AMOTL1: variants seen among roughly 807,000 people sequenced by gnomAD.
AMOTL1 encodes the protein angiomotin-like protein 1.
A neutral mutation model predicts 102.9 loss-of-function variants in AMOTL1; 45 were observed. The ratio of observed to expected loss-of-function variants is 0.44; its 90% confidence interval spans 0.34 to 0.56. AMOTL1 has a LOEUF of 0.56. Ranked by LOEUF, AMOTL1 falls within the 20% of genes least tolerant of loss-of-function variation. The probability of loss-of-function intolerance (pLI) is 0.01; values close to 1 mark genes in which losing one functional copy is unlikely to be tolerated. For missense variants in AMOTL1, 1,114 were observed against 1,225.6 expected (o/e 0.91, Z 1.36); for synonymous variants, 481 against 484.7 (o/e 0.99, Z 0.10).
intron 9 of AMOTL1, among the ~76,000 whole-genome samples, chr11:94,862,670 T>G (rs1565386494): frequency 6.6e-6 from 1 of 152,222 alleles, no homozygotes; most frequent in Non-Finnish European, 1.5e-5. Context: ...TTCCTCTAAT[T>G]GTGTTTGCTC....
At chr11:94,785,132 C>G (rs907343072) in intron 1 of AMOTL1, among the ~76,000 whole-genome samples, 2 of 152,156 alleles carry the variant, frequency 1.3e-5, no homozygotes, top group African/African-American at 4.8e-5. Context: ...GGTTCTGGAT[C>G]CTTCTCTGCC....
intron 1 of AMOTL1, among the ~76,000 whole-genome samples, chr11:94,788,756 T>C (rs1411196551): frequency 3.9e-5 from 6 of 152,246 alleles, no homozygotes; most frequent in African/African-American, 1.4e-4. Flanking sequence ...GACTCAATTG[T>C]TACTTTAAAG....
At chr11:94,764,056 T>C (rs1950826538), upstream of AMOTL1, among the ~76,000 whole-genome samples, 1 of 152,236 alleles carries the variant, frequency 6.6e-6, no homozygotes, top group East Asian at 1.9e-4. Flanking sequence ...TTTCCTTCCT[T>C]GTGTCCATGC....
chr11:94,870,864 AC>A lies in AMOTL1; in HGVS notation c.*71del. ...GGAAAGCGGCAGAGAAAGAAGAAAG[AC>A]CTAGAAGGTTGTAGATGGGAAATCA... On this transcript the variant is annotated 3_prime_UTR_variant, in exon 13 of 13. Transcript: ENST00000433060. 1 of 1,325,014 alleles carries A rather than the reference AC, an allele frequency of 7.5e-7. No homozygotes were observed. Among genetic ancestry groups the A allele is most frequent in the Non-Finnish European group, 1.0e-6 (1 of 965,182 alleles). The allele number at this position is 1,325,014 out of a possible 1,614,324, so 82.1% of individuals were successfully genotyped here.
intron 3 of AMOTL1, among the ~76,000 whole-genome samples, chr11:94,817,828 G>A (rs547664544): frequency 9.2e-5 from 14 of 152,294 alleles, no homozygotes; most frequent in African/African-American, 2.2e-4. Context: ...CATAAACATC[G>A]AGCAGAACAT....
intron 3 of AMOTL1, among the ~76,000 whole-genome samples, chr11:94,802,447 A>G (rs183579354): frequency 6.6e-5 from 10 of 152,328 alleles, no homozygotes; most frequent in Admixed American, 2.0e-4. Flanking sequence ...TAATATGTAC[A>G]TACCGTGCAA....
intron 1 of AMOTL1, among the ~76,000 whole-genome samples, chr11:94,793,068 A>G (rs145406610): frequency 1.2e-4 from 19 of 152,258 alleles, no homozygotes; most frequent in African/African-American, 4.1e-4. Context: ...ACATATTCAT[A>G]TATATATACA....
intron 3 of AMOTL1, among the ~76,000 whole-genome samples, chr11:94,755,685 G>A (rs1046437451): frequency 6.6e-6 from 1 of 151,958 alleles, no homozygotes; most frequent in African/African-American, 2.4e-5. Flanking sequence ...TCAGTGCCTC[G>A]CTGCTCAAAC....
At chr11:94,846,488 TCA>T (rs1952414043) in intron 6 of AMOTL1, among the ~76,000 whole-genome samples, 1 of 152,354 alleles carries the variant, frequency 6.6e-6, no homozygotes, top group Admixed American at 6.5e-5. Flanking sequence ...ACTACCTCAG[TCA>T]CAGAACCATA....
At chr11:94,861,595 G>T (rs1952775163) in intron 9 of AMOTL1, among the ~76,000 whole-genome samples, 1 of 152,192 alleles carries the variant, frequency 6.6e-6, no homozygotes, top group Non-Finnish European at 1.5e-5. Context: ...GTGCGTGTGT[G>T]ATCTGGGACA....
Position 94,799,784 on chromosome 11 carries a change from G to A in AMOTL1, c.594G>A (p.Ser198=), listed in dbSNP as rs371902406. ...LPTYEEAKAQ[S]QFFRGQQQQQ... ...CTTACGAGGAGGCCAAAGCACAGTC[G>A]CAGTTCTTCAGGGGGCAGCAGCAGC... is the stretch of plus-strand genomic sequence containing the variant. The change falls in exon 3 of 13, where the codon TCG becomes TCA. Residue 198 remains serine (S), a synonymous_variant. Coordinates refer to ENST00000433060, the MANE Select transcript of AMOTL1 (RefSeq NM_130847.3). This position sits in a 1 kb window ranked among gnomAD's most constrained non-coding sequence, Gnocchi z 4.5. The A allele has an allele frequency of 3.7e-6, 6 of 1,604,094 alleles. No homozygotes were observed. The highest frequency in any genetic ancestry group is 2.2e-5 in the East Asian group (1 of 44,556).
At chr11:94,861,398 G>A (rs1952772145) in intron 9 of AMOTL1, among the ~76,000 whole-genome samples, 1 of 152,152 alleles carries the variant, frequency 6.6e-6, no homozygotes, top group Admixed American at 6.5e-5. Context: ...AAGAGAACAG[G>A]TCATCATAAA....
At position 94,865,964 on chromosome 11, in the gene AMOTL1, A is replaced by T. The variant is rs1952874041; in HGVS notation, c.2284A>T (p.Ile762Phe). 1.2e-6 allele frequency: 2 copies of T among 1,613,722 alleles called. No homozygotes were observed. Among genetic ancestry groups the T allele is most frequent in the South Asian group, 2.2e-5 (2 of 91,034 alleles). ...CAGTATTAAAAATCTCCATGCCAAA[A>T]TCATAGAGAAAGATGCTATGATTAA... is the stretch of plus-strand genomic sequence containing the variant. ...EYTIKNLHAK[I>F]IEKDAMIKVL... is the part of the protein sequence containing the mutation. The change falls in exon 11 of 13, where the codon ATC (isoleucine) becomes TTC (phenylalanine). Residue 762 changes from isoleucine (I) to phenylalanine (F), a missense_variant. Coordinates refer to ENST00000433060, the MANE Select transcript of AMOTL1 (RefSeq NM_130847.3).
chr11:94,869,057 A>T, intron 11 of AMOTL1, 141 bp from the exon 12 acceptor site: 1 of 981,194 alleles, frequency 1.0e-6, no homozygotes, highest in Non-Finnish European at 1.4e-6. Flanking sequence ...GCCTTGTAAT[A>T]AGTGTTTATT....
At chr11:94,784,704 C>T (rs922160673) in intron 1 of AMOTL1, among the ~76,000 whole-genome samples, 8 of 152,140 alleles carry the variant, frequency 5.3e-5, no homozygotes, top group Non-Finnish European at 7.3e-5. Context: ...TTTACCACAA[C>T]TTTTCAGGAG....
intron 9 of AMOTL1, 43 bp from the exon 10 acceptor site, chr11:94,864,692 A>C (rs1952842338): frequency 6.3e-7 from 1 of 1,596,424 alleles, no homozygotes. Context: ...GAGACAAAGC[A>C]AGAAGGTTTC....
chr11:94,728,275 G>T (rs1950291445), intron 1 of AMOTL1, among the ~76,000 whole-genome samples: 1 of 152,104 alleles, frequency 6.6e-6, no homozygotes, highest in South Asian at 2.1e-4. Context: ...CCTTCTCAGT[G>T]GTGGCCAATG....
chr11:94,802,105 G>A (rs1951489426), intron 3 of AMOTL1, among the ~76,000 whole-genome samples: 1 of 152,170 alleles, frequency 6.6e-6, no homozygotes, highest in Non-Finnish European at 1.5e-5. Flanking sequence ...CTCAGAAGCA[G>A]CATAACCAAC....
rs76464413 is a variant in AMOTL1, at chr11:94,755,641, C to A, written c.136+14653C>A. Among the ~76,000 whole-genome samples the A allele has an allele frequency of 2.4e-3, 373 of 152,306 alleles. 3 individuals carry two copies. Among genetic ancestry groups the A allele is most frequent in the African/African-American group, 8.7e-3 (360 of 41,556 alleles). On this transcript the variant is annotated intron_variant, in intron 3 of 4. Transcript: ENST00000299004. Reference sequence around the variant, plus strand: ...ATGGGAGGAGTTCCCATATCCCCGTCACAGGGCCTGCGACAGGGGCGTGGC... The same window carrying A: ...ATGGGAGGAGTTCCCATATCCCCGTAACAGGGCCTGCGACAGGGGCGTGGC...
Sources: gnomAD v4.1 joint callset for allele counts (sites outside exome capture counted in the v4.1 genomes callset) on GRCh38, gnomAD v4.1.1 for gene constraint, Gnocchi (gnomAD v3.1) non-coding constraint, MANE v1.5 for transcripts, NCBI Gene and HGNC (gene_info 2026-07-23, HGNC 2026-07-21) for gene names.